Variants in TMEM145 observed in about 807,000 individuals in gnomAD.
TMEM145 encodes the protein transmembrane protein 145.
In TMEM145, 46 loss-of-function variants were observed where a neutral mutation model predicts 68.5. The observed-to-expected ratio is 0.67, with a 90% CI of 0.53 to 0.86. The LOEUF (loss-of-function observed/expected upper bound fraction) is 0.86. Among genes scored for constraint, TMEM145 ranks in the 40% least tolerant of loss-of-function variants. The pLI is 0.00. For synonymous variants in TMEM145, 255 were observed against 280.2 expected, an observed-to-expected ratio of 0.91 and a Z score of 0.90; for missense variants, 570 against 645.8, an observed-to-expected ratio of 0.88 and a Z score of 1.27.
chr19:42,315,228 C>A lies in TMEM145; in HGVS notation c.546C>A (p.Ile182=). 6.2e-7 allele frequency: 1 copy of A among 1,607,426 alleles called. No homozygotes were observed. The highest frequency in any genetic ancestry group is 8.5e-7 in the Non-Finnish European group (1 of 1,175,580). Residue 182 remains isoleucine (I), a synonymous_variant, in exon 7 of 15, where the codon ATC becomes ATA. Transcript: ENST00000301204. The stretch of plus-strand genomic sequence containing the variant: ...ATGTGACCTTCCTCCTCATCTTCAT[C>A]CTCATCTTCTTCCTCTCTTGTTACT... ...ETDVTFLLIF[I]LIFFLSCYFG... is the part of the protein sequence containing the mutation.
chr19:42,314,801 G>A lies in TMEM145; in HGVS notation c.370G>A (p.Glu124Lys), dbSNP rs748902638. The A allele has an allele frequency of 2.5e-6, 4 of 1,614,140 alleles. No individual in the cohort carries two copies. The African/African-American group carries it at 4.0e-5, about 16-fold the overall frequency. Residue 124 changes from glutamate to lysine, a missense_variant, in exon 5 of 15, where the codon GAG becomes AAG. Coordinates refer to ENST00000301204, the MANE Select transcript of TMEM145 (RefSeq NM_173633.3). ...YAWSGCQVVS[E>K]EGTRYLSCSS... ...TCTCGTTTGTCCCCAGGTGGTATCA[G>A]AGGAGGGAACCCGCTACCTGAGCTG...
Position 42,324,954 on chromosome 19 carries a change from C to G in TMEM145, c.*137C>G, listed in dbSNP as rs1467618821. 1 of 1,272,154 alleles carries G rather than the reference C, an allele frequency of 7.9e-7. No homozygotes were observed. The highest frequency in any genetic ancestry group is 1.0e-6 in the Non-Finnish European group (1 of 1,004,278). The allele number at this position is 1,272,154 out of a possible 1,614,324, so 78.8% of individuals were successfully genotyped here. ...CTCCCTCGGATCTGTGACCTCGGACCCGTACTCCATCTGCCGCATCTCCAT... is the reference window on the plus strand; with the variant it reads ...CTCCCTCGGATCTGTGACCTCGGACGCGTACTCCATCTGCCGCATCTCCAT... On this transcript the variant is annotated 3_prime_UTR_variant, in exon 15 of 15. Transcript: ENST00000301204.
chr19:42,320,247 C>T (rs1439245468), intron 12 of TMEM145, 70 bp from the exon 13 acceptor site: 6 of 1,594,834 alleles, frequency 3.8e-6, no homozygotes, highest in Non-Finnish European at 4.3e-6. Flanking sequence ...ACATGGCAGG[C>T]GAGGTGGGGC....
Position 42,323,646 on chromosome 19 carries a change from G to T in TMEM145, c.1258G>T (p.Ala420Ser), listed in dbSNP as rs746197610. The change falls in exon 14 of 15, where the codon GCT becomes TCT. Residue 420 changes from alanine (A) to serine (S), a missense_variant. Coordinates refer to ENST00000301204, the MANE Select transcript of TMEM145 (RefSeq NM_173633.3). ...GTACCACGTGCGCACGTCGCAGATCGCTTCAGCCGGAGTCCCTGGACCCGG... is the reference window on the plus strand; with the variant it reads ...GTACCACGTGCGCACGTCGCAGATCTCTTCAGCCGGAGTCCCTGGACCCGG... ...FPYHVRTSQI[A>S]SAGVPGPGGS... 6.2e-6 allele frequency: 10 copies of T among 1,614,154 alleles called. No homozygotes were observed. Among genetic ancestry groups the T allele is most frequent in the Non-Finnish European group, 8.5e-6 (10 of 1,180,008 alleles).
rs762116937 is a variant in TMEM145 at position 42,316,891 on chromosome 19, C to A, written c.828C>A (p.Gly276=). 5.0e-6 allele frequency: 8 copies of A among 1,613,712 alleles called. No homozygotes were observed. Among genetic ancestry groups the A allele is most frequent in the Admixed American group, 3.3e-5 (2 of 60,028 alleles). The part of the protein sequence containing the change: ...TVTRGRISHA[G]SVKLSVYMTL... ...CCAGGGGCCGCATCAGCCACGCGGG[C>A]TCCGTGAAGTTGTCTGTCTACATGA... The change falls in exon 11 of 15, where the codon GGC becomes GGA. Residue 276 remains glycine (G), a synonymous_variant. Transcript: ENST00000301204.
At position 42,315,425 on chromosome 19, in the gene TMEM145, G is replaced by A. The variant is rs1368565074; in HGVS notation, c.631G>A (p.Ala211Thr). The change falls in exon 8 of 15, where the codon GCA becomes ACA. Residue 211 changes from alanine to threonine, a missense_variant. Physicochemically the swap from Ala to Thr is moderately conservative, Grantham distance 58. Coordinates refer to ENST00000301204, the MANE Select transcript of TMEM145 (RefSeq NM_173633.3). ...LHTTYKMFMAAAGVEVLSLLF... is the reference protein window; with the variant it reads ...LHTTYKMFMATAGVEVLSLLF... ...CACAACTTATAAAATGTTCATGGCC[G>A]CAGCAGGAGTAGAGGGTGAGGTTCC... The A allele has an allele frequency of 1.6e-5, 26 of 1,614,022 alleles. No individual in the cohort carries two copies. Among genetic ancestry groups the A allele is most frequent in the African/African-American group, 6.7e-5 (5 of 74,896 alleles).
chr19:42,320,410 C>T lies in TMEM145; in HGVS notation c.1167C>T (p.Ile389=), dbSNP rs748604372. 5 of 1,614,108 alleles carry T rather than the reference C, an allele frequency of 3.1e-6. No individual in the cohort carries two copies. The highest frequency in any genetic ancestry group is 1.1e-5 in the South Asian group (1 of 91,082). ...EKIVNGIQLG[I]HLYAHGVFLI... Reference sequence around the variant, plus strand: ...TTGTCAATGGCATCCAGCTGGGGATCCACTTGTACGCCCATGGCGTGTTTC... The same window carrying T: ...TTGTCAATGGCATCCAGCTGGGGATTCACTTGTACGCCCATGGCGTGTTTC... The change falls in exon 13 of 15, where the codon ATC becomes ATT. Residue 389 remains isoleucine (I), a synonymous_variant. Transcript: ENST00000301204.
Position 42,313,451 on chromosome 19 carries a change from C to A in TMEM145, c.75C>A (p.Pro25=), listed in dbSNP as rs908666629. ...PLLLLLLSLP[P]RARAKYVRGN... ...TGCTCCTGCTGCTGTCACTGCCCCC[C>A]CGCGCCCGGGCCAAGTACGTGCGGG... Residue 25 remains proline, a synonymous_variant, in exon 1 of 15, where the codon CCC becomes CCA. Transcript: ENST00000301204. The surrounding 1 kb of genome is among the most constrained non-coding windows in gnomAD (Gnocchi z 5.1). 14 of 1,372,630 alleles carry A rather than the reference C, an allele frequency of 1.0e-5. No homozygotes were observed. The highest frequency in any genetic ancestry group is 2.7e-4 in the Middle Eastern group (1 of 3,736). 85.0% of individuals were successfully genotyped at this position (1,372,630 alleles called of 1,614,324 possible). A position where few individuals can be genotyped will look rare whatever the true frequency, so the allele number is the denominator to read the frequency against.
intron 14 of TMEM145, 50 bp from the exon 15 acceptor site, chr19:42,324,687 T>A: frequency 1.8e-6 from 1 of 546,842 alleles, no homozygotes; most frequent in Non-Finnish European, 2.2e-6. Flanking sequence ...CCCCCTCCCC[T>A]CTGTGCCAAA....
chr19:42,320,242 G>GC, intron 12 of TMEM145, 75 bp from the exon 13 acceptor site: 1 of 1,592,186 alleles, frequency 6.3e-7, no homozygotes, highest in Non-Finnish European at 8.5e-7. Flanking sequence ...TGTGTACATG[G>GC]CAGGCGAGGT....
intron 10 of TMEM145, 40 bp from the exon 11 acceptor site, chr19:42,316,830 G>A (rs376044506): frequency 3.7e-5 from 59 of 1,610,936 alleles, no homozygotes; most frequent in Non-Finnish European, 4.6e-5. Context: ...CCTCCCTGAC[G>A]GCCCCCACCC....
rs531765278 is a variant in TMEM145, at chr19:42,317,130, C to A, written c.900+167C>A. Among the ~76,000 whole-genome samples the A allele has an allele frequency of 8.5e-5, 13 of 152,334 alleles. No individual in the cohort carries two copies. The South Asian group carries it at 2.7e-3, about 32-fold the overall frequency. ...CATCTGTCTAAGTGATTCCTCCTCTCTTCACCATCCCGCAGCAGCTTTCTT... is the reference window on the plus strand; with the variant it reads ...CATCTGTCTAAGTGATTCCTCCTCTATTCACCATCCCGCAGCAGCTTTCTT... On this transcript the variant is annotated intron_variant, in intron 11 of 14. Coordinates refer to ENST00000301204, the MANE Select transcript of TMEM145 (RefSeq NM_173633.3).
intron 12 of TMEM145, 147 bp downstream of exon 12, chr19:42,318,028 T>C: frequency 1.1e-6 from 1 of 899,418 alleles, no homozygotes; most frequent in Non-Finnish European, 1.7e-6. Flanking sequence ...TTACTCACTT[T>C]GTGAAAAATT....
At chr19:42,314,141 G>A in intron 1 of TMEM145, 131 bp from the exon 2 acceptor site, 1 of 894,204 alleles carries the variant, frequency 1.1e-6, no homozygotes, top group Non-Finnish European at 1.8e-6. Context: ...AAGGAGTTTG[G>A]AGGTGACCTG....
Position 42,321,330 on chromosome 19 carries a change from C to T in TMEM145, c.1194+893C>T, listed in dbSNP as rs1280289595. The T allele has an allele frequency of 1.0e-5, 4 of 391,884 alleles. No homozygotes were observed. In the South Asian group the frequency reaches 4.3e-4, roughly 42 times the overall value. The allele number at this position is 391,884 out of a possible 1,614,324, so 24.3% of individuals were successfully genotyped here. On this transcript the variant is annotated intron_variant, in intron 13 of 14. Coordinates refer to ENST00000301204, the MANE Select transcript of TMEM145 (RefSeq NM_173633.3). ...ACCTCCACCTCCCAGGTTCTCCTGC[C>T]TCAGCCTCCGGAGTAGCTGGGACTA...
At chr19:42,316,766 G>A (rs1405562548) in intron 10 of TMEM145, 26 bp downstream of exon 10, 1 of 1,612,850 alleles carries the variant, frequency 6.2e-7, no homozygotes, top group Admixed American at 1.7e-5. Flanking sequence ...GTGCTCGTGG[G>A]GCGGCTGGTG....
At position 42,324,972 on chromosome 19, in the gene TMEM145, A is replaced by G; in HGVS notation, c.*155A>G. 2.5e-6 allele frequency: 3 copies of G among 1,210,636 alleles called. No homozygotes were observed. Among genetic ancestry groups the G allele is most frequent in the Non-Finnish European group, 3.1e-6 (3 of 956,474 alleles). 75.0% of individuals were successfully genotyped at this position (1,210,636 alleles called of 1,614,324 possible). ...CTCGGACCCGTACTCCATCTGCCGC[A>G]TCTCCATTCCGGGGGCCTTCCCTCG... On this transcript the variant is annotated 3_prime_UTR_variant, in exon 15 of 15. Transcript: ENST00000301204.
intron 13 of TMEM145, among the ~76,000 whole-genome samples, chr19:42,322,203 C>G (rs2147424240): frequency 6.6e-6 from 1 of 152,320 alleles, no homozygotes; most frequent in South Asian, 2.1e-4. Flanking sequence ...CCAGGCTGGT[C>G]TATCCTGAAG....
chr19:42,315,577 G>T, intron 8 of TMEM145, 137 bp downstream of exon 8: 3 of 907,244 alleles, frequency 3.3e-6, no homozygotes, highest in South Asian at 3.0e-5. Flanking sequence ...GGACTCCTGG[G>T]TCCAAGGGAG....
Sources: allele counts gnomAD v4.1 joint callset (sites outside exome capture counted in the v4.1 genomes callset), GRCh38; gene constraint gnomAD v4.1.1; non-coding constraint Gnocchi (gnomAD v3.1); transcripts MANE v1.5; gene names NCBI Gene and HGNC (gene_info 2026-07-23, HGNC 2026-07-21).